KIAA1217: variants seen among roughly 807,000 people sequenced by gnomAD.
KIAA1217 encodes the protein KIAA1217.
A neutral mutation model predicts 163.9 loss-of-function variants in KIAA1217; 88 were observed. That is an observed-to-expected ratio of 0.54 (90% CI 0.45 to 0.64). KIAA1217 has a LOEUF of 0.64. KIAA1217 is among the 30% of genes least tolerant of loss of function. The pLI is 0.00. For missense variants in KIAA1217, 2,372 were observed against 2,475.0 expected (o/e 0.96, Z 0.88); for synonymous variants, 903 against 923.1 (o/e 0.98, Z 0.39).
intron 6 of KIAA1217, among the ~76,000 whole-genome samples, chr10:24,486,901 T>A (rs1178224398): frequency 6.6e-6 from 1 of 152,222 alleles, no homozygotes; most frequent in Non-Finnish European, 1.5e-5. Flanking sequence ...GTTTTGTTCA[T>A]GTCTATGTCC....
At chr10:23,889,985 A>C (rs1305603339) in intron 1 of KIAA1217, among the ~76,000 whole-genome samples, 2 of 151,802 alleles carry the variant, frequency 1.3e-5, no homozygotes, top group Non-Finnish European at 2.9e-5. Context: ...AAATTAGTGT[A>C]GGAGCATTTT....
At chr10:23,780,384 A>G (rs564387276) in intron 1 of KIAA1217, among the ~76,000 whole-genome samples, 4 of 152,334 alleles carry the variant, frequency 2.6e-5, no homozygotes, top group South Asian at 2.1e-4. Flanking sequence ...TTTATCCTAT[A>G]TAACTGAAAC....
At chr10:24,226,651 AT>A (rs2070607022) in intron 2 of KIAA1217, among the ~76,000 whole-genome samples, 2 of 151,982 alleles carry the variant, frequency 1.3e-5, no homozygotes, top group African/African-American at 4.8e-5. Context: ...CAAAAAAAAA[AT>A]AATAATAATA....
chr10:24,053,640 A>T (rs1429012285), intron 2 of KIAA1217, among the ~76,000 whole-genome samples: 2 of 152,194 alleles, frequency 1.3e-5, no homozygotes, highest in African/African-American at 4.8e-5. Flanking sequence ...AAAGAAAGAA[A>T]GAAAGAAAGA....
intron 2 of KIAA1217, among the ~76,000 whole-genome samples, chr10:24,274,792 A>T (rs2132045055): frequency 6.6e-6 from 1 of 152,290 alleles, no homozygotes; most frequent in African/African-American, 2.4e-5. Context: ...ATTAGCATTG[A>T]ACTAAGCTTA....
intron 2 of KIAA1217, among the ~76,000 whole-genome samples, chr10:24,272,691 T>G (rs2076889401): frequency 1.3e-5 from 2 of 152,362 alleles, no homozygotes; most frequent in South Asian, 2.1e-4. Flanking sequence ...CTTTACTTCT[T>G]TCAAGGTGGC....
chr10:24,428,482 T>A (rs1436375233), intron 3 of KIAA1217, among the ~76,000 whole-genome samples: 2 of 152,250 alleles, frequency 1.3e-5, no homozygotes, highest in East Asian at 3.9e-4. Flanking sequence ...ACTGCTCTAG[T>A]CAAGGAAACA....
chr10:24,502,608 GGC>G (rs1341652867), intron 9 of KIAA1217, among the ~76,000 whole-genome samples: 1 of 152,136 alleles, frequency 6.6e-6, no homozygotes, highest in Non-Finnish European at 1.5e-5. Flanking sequence ...TCCCTGCCCT[GGC>G]TGGTAGGTTG....
At chr10:24,246,876 C>T (rs900313081) in intron 2 of KIAA1217, among the ~76,000 whole-genome samples, 4 of 152,022 alleles carry the variant, frequency 2.6e-5, no homozygotes, top group South Asian at 2.1e-4. Flanking sequence ...TAGCTGCACA[C>T]GGTGGTGCGC....
intron 17 of KIAA1217, among the ~76,000 whole-genome samples, chr10:24,538,629 AGG>A (rs2074463197): frequency 3.8e-5 from 3 of 79,026 alleles, no homozygotes; most frequent in Non-Finnish European, 7.4e-5. Flanking sequence ...GGAAAAAGAG[AGG>A]AAGGAAAAAG....
chr10:24,282,633 T>C (rs928300985), intron 2 of KIAA1217, among the ~76,000 whole-genome samples: 2 of 152,082 alleles, frequency 1.3e-5, no homozygotes, highest in Non-Finnish European at 2.9e-5. Flanking sequence ...GTTCCTTTGA[T>C]ATACCCTCTT....
chr10:23,826,843 C>T (rs1232571257), intron 1 of KIAA1217, among the ~76,000 whole-genome samples: 4 of 152,168 alleles, frequency 2.6e-5, no homozygotes, highest in East Asian at 3.9e-4. Context: ...GTCAGAGCTT[C>T]GTGAACTGTT....
At chr10:24,018,032 G>A (rs1030584583) in intron 2 of KIAA1217, among the ~76,000 whole-genome samples, 12 of 151,952 alleles carry the variant, frequency 7.9e-5, no homozygotes, top group African/African-American at 1.7e-4. Context: ...AGTAAGATCC[G>A]AGTTTAAAGT....
intron 1 of KIAA1217, among the ~76,000 whole-genome samples, chr10:23,850,059 G>A (rs1255792069): frequency 1.3e-5 from 2 of 152,018 alleles, no homozygotes; most frequent in Non-Finnish European, 2.9e-5. Context: ...ATTGGACTTT[G>A]GAAAATAAGG....
At chr10:24,057,738 T>C (rs987559134) in intron 2 of KIAA1217, among the ~76,000 whole-genome samples, 1 of 152,234 alleles carries the variant, frequency 6.6e-6, no homozygotes, top group African/African-American at 2.4e-5. Flanking sequence ...AGCCCATTTT[T>C]AATCAGATTA....
intron 19 of KIAA1217, 110 bp downstream of exon 19, chr10:24,544,591 T>TC: frequency 9.6e-7 from 1 of 1,043,656 alleles, no homozygotes; most frequent in South Asian, 2.2e-5. Flanking sequence ...TCAGGTGGCT[T>TC]TTTTTTTTTT....
intron 2 of KIAA1217, among the ~76,000 whole-genome samples, chr10:24,364,347 C>G (rs972902201): frequency 6.6e-5 from 10 of 152,334 alleles, no homozygotes; most frequent in African/African-American, 2.2e-4. Flanking sequence ...CTTGTAAATG[C>G]TCCACGTTGA....
intron 2 of KIAA1217, chr10:24,368,981 G>T (rs1272745538): frequency 4.2e-6 from 2 of 478,720 alleles, no homozygotes; most frequent in Non-Finnish European, 5.4e-6. Context: ...GTTCAGAAAG[G>T]TTTCATATGG....
intron 2 of KIAA1217, among the ~76,000 whole-genome samples, chr10:24,136,223 T>C (rs1231031756): frequency 1.3e-5 from 2 of 152,110 alleles, no homozygotes; most frequent in East Asian, 1.9e-4. Flanking sequence ...CTATGCATAT[T>C]TGTGCTATAG....
Sources: allele counts gnomAD v4.1 joint callset (sites outside exome capture counted in the v4.1 genomes callset), GRCh38; gene constraint gnomAD v4.1.1; transcripts MANE v1.5; gene names NCBI Gene and HGNC (gene_info 2026-07-23, HGNC 2026-07-21).